CBLC: variants seen among roughly 807,000 people sequenced by gnomAD.
CBLC encodes Cbl proto-oncogene C.
Under a neutral mutation model 58.6 loss-of-function variants are expected in CBLC, and 46 were observed. That is an observed-to-expected ratio of 0.79 (90% CI 0.62 to 1.00). The LOEUF is 1.00. CBLC is among the 50% of genes least tolerant of loss of function. CBLC has a pLI of 0.00. For synonymous variants in CBLC, 271 were observed against 264.2 expected, an observed-to-expected ratio of 1.03 and a Z score of -0.25; for missense variants, 655 against 625.8, an observed-to-expected ratio of 1.05 and a Z score of -0.50.
At chr19:44,798,016 G>T (rs546440884) in intron 9 of CBLC, among the ~76,000 whole-genome samples, 1 of 152,056 alleles carries the variant, frequency 6.6e-6, no homozygotes, top group Non-Finnish European at 1.5e-5. Flanking sequence ...ATGGTGCTGT[G>T]GCCCCTGGGG....
At chr19:44,786,209 A>T (rs1967902394) in intron 5 of CBLC, among the ~76,000 whole-genome samples, 1 of 151,974 alleles carries the variant, frequency 6.6e-6, no homozygotes, top group African/African-American at 2.4e-5. Context: ...CTAGGACTAC[A>T]GGTGCACGCC....
chr19:44,783,761 G>A (rs944768272), intron 4 of CBLC, among the ~76,000 whole-genome samples: 3 of 152,192 alleles, frequency 2.0e-5, no homozygotes, highest in Non-Finnish European at 4.4e-5. Flanking sequence ...AATGGCTACT[G>A]TCAGGAATCA....
In CBLC at chr19:44,800,470, C is replaced by G. The variant is rs1180274760; in HGVS notation, c.*7+20C>G. 1.3e-6 allele frequency: 2 copies of G among 1,536,090 alleles called. No homozygotes were observed. The highest frequency in any genetic ancestry group is 3.4e-5 in the Admixed American group (2 of 58,898). On this transcript the variant is annotated intron_variant, in intron 10 of 10. Coordinates refer to ENST00000647358, the MANE Select transcript of CBLC (RefSeq NM_012116.4). ...GGCCAGGTGAGTCCATTCCCTAACC[C>G]TCCCTGGCCCACTCCACCCCACTCC...
At chr19:44,781,161 C>T (rs1967717946) in intron 2 of CBLC, 46 bp from the exon 3 acceptor site, 1 of 1,582,598 alleles carries the variant, frequency 6.3e-7, no homozygotes, top group African/African-American at 1.3e-5. Flanking sequence ...CCATCATAGG[C>T]TCTGGGAGGC....
chr19:44,796,913 G>T (rs556931807), intron 9 of CBLC, among the ~76,000 whole-genome samples: 4 of 128,516 alleles, frequency 3.1e-5, no homozygotes, highest in South Asian at 5.2e-4. Flanking sequence ...CGGGGCGGTG[G>T]GGGGGAGGGT....
intron 1 of CBLC, among the ~76,000 whole-genome samples, chr19:44,779,916 T>G (rs1011278760): frequency 6.6e-6 from 1 of 152,082 alleles, no homozygotes; most frequent in Non-Finnish European, 1.5e-5. Context: ...CACCTATAGT[T>G]TTTTAATCAC....
intron 9 of CBLC, among the ~76,000 whole-genome samples, 177 bp from the exon 10 acceptor site, chr19:44,800,204 G>C (rs187556678): frequency 1.3e-5 from 2 of 152,100 alleles, no homozygotes; most frequent in Non-Finnish European, 2.9e-5. Context: ...CCCAGACTTC[G>C]GGCCCCTCTT....
intron 6 of CBLC, 110 bp from the exon 7 acceptor site, chr19:44,792,273 G>C: frequency 8.1e-7 from 1 of 1,239,940 alleles, no homozygotes; most frequent in Non-Finnish European, 1.2e-6. Context: ...GATTACAGGC[G>C]TGAGCCACCA....
At chr19:44,791,616 C>T (rs916004898) in intron 6 of CBLC, among the ~76,000 whole-genome samples, 4 of 151,850 alleles carry the variant, frequency 2.6e-5, no homozygotes, top group African/African-American at 9.7e-5. Flanking sequence ...GCCTGTAGTC[C>T]CAGCTACTCA....
intron 5 of CBLC, among the ~76,000 whole-genome samples, chr19:44,789,130 C>G (rs142951762): frequency 6.6e-6 from 1 of 152,152 alleles, no homozygotes; most frequent in Non-Finnish European, 1.5e-5. Flanking sequence ...CTTGCTTCTC[C>G]GGTGTCCTGG....
At chr19:44,799,340 T>C (rs988143751) in intron 9 of CBLC, among the ~76,000 whole-genome samples, 5 of 152,076 alleles carry the variant, frequency 3.3e-5, no homozygotes, top group Non-Finnish European at 7.4e-5. Flanking sequence ...CTGTTTTGCT[T>C]TGTTTTGTTT....
At position 44,799,845 on chromosome 19, in the gene CBLC, A is replaced by G. The variant is rs182970102; in HGVS notation, c.1363-536A>G. Among the ~76,000 whole-genome samples, 19 of 151,892 alleles carry G rather than the reference A, an allele frequency of 1.3e-4. No homozygotes were observed. In the East Asian group the frequency reaches 3.5e-3, roughly 28 times the overall value. ...GAGAGAAAGAAGAAAGAAAGAAAAG[A>G]AAAGAAAGAAAAAGAAGAAAAAAGA... On this transcript the variant is annotated intron_variant, in intron 9 of 10. Coordinates refer to ENST00000647358, the MANE Select transcript of CBLC (RefSeq NM_012116.4).
intron 5 of CBLC, among the ~76,000 whole-genome samples, chr19:44,786,211 G>A (rs1188258883): frequency 6.6e-6 from 1 of 151,880 alleles, no homozygotes; most frequent in African/African-American, 2.4e-5. Context: ...AGGACTACAG[G>A]TGCACGCCAC....
intron 9 of CBLC, among the ~76,000 whole-genome samples, chr19:44,799,825 AAAG>A (rs1419527603): frequency 6.8e-6 from 1 of 146,624 alleles, no homozygotes; most frequent in Non-Finnish European, 1.5e-5. Context: ...AGCGAGAGAG[AAAG>A]AAGAAAGAAA....
intron 9 of CBLC, among the ~76,000 whole-genome samples, chr19:44,799,666 G>A (rs911627618): frequency 6.7e-6 from 1 of 148,850 alleles, no homozygotes. Flanking sequence ...TGTTGTTGTT[G>A]TTTTTAAAAA....
At chr19:44,792,945 G>A (rs1968091916) in intron 7 of CBLC, among the ~76,000 whole-genome samples, 1 of 151,964 alleles carries the variant, frequency 6.6e-6, no homozygotes, top group Admixed American at 6.6e-5. Flanking sequence ...TCAGGAGTTC[G>A]AGACCAGCCT....
At chr19:44,781,526 G>T (rs1158761429) in intron 3 of CBLC, among the ~76,000 whole-genome samples, 163 bp downstream of exon 3, 1 of 139,660 alleles carries the variant, frequency 7.2e-6, no homozygotes, top group East Asian at 2.2e-4. Flanking sequence ...GGAGGAGGGG[G>T]CTGGGACCTG....
Position 44,792,440 on chromosome 19 carries a change from G to C in CBLC, c.1063G>C (p.Ala355Pro). The change falls in exon 7 of 11, where the codon GCT (alanine) becomes CCT (proline). Residue 355 changes from alanine (A) to proline (P), a missense_variant. This residue lies in a region of CBLC where 371 missense variants were observed against 370.8 expected (regional missense o/e 1.00). Transcript: ENST00000647358. ...DSTFELCKICAESNKDVKIEP... is the reference protein window; with the variant it reads ...DSTFELCKICPESNKDVKIEP... Reference sequence around the variant, plus strand: ...CACATTTGAGCTCTGCAAGATCTGTGCTGAGAGCAACAAGGATGTGAAGAT... The same window carrying C: ...CACATTTGAGCTCTGCAAGATCTGTCCTGAGAGCAACAAGGATGTGAAGAT... 1.2e-6 allele frequency: 2 copies of C among 1,613,498 alleles called. No homozygotes were observed. Among genetic ancestry groups the C allele is most frequent in the Non-Finnish European group, 1.7e-6 (2 of 1,179,846 alleles).
At chr19:44,796,145 G>A (rs1259508543) in intron 9 of CBLC, among the ~76,000 whole-genome samples, 2 of 151,974 alleles carry the variant, frequency 1.3e-5, no homozygotes. Context: ...AACCCGGGAG[G>A]TGGAGGTTGC....
Sources: gnomAD v4.1 joint callset for allele counts (sites outside exome capture counted in the v4.1 genomes callset) on GRCh38, gnomAD v4.1.1 for gene constraint, gnomAD v4.1.1 regional missense constraint, MANE v1.5 for transcripts, NCBI Gene and HGNC (gene_info 2026-07-23, HGNC 2026-07-21) for gene names.